Variants in DZIP1 observed in about 807,000 individuals in gnomAD.
The protein encoded by DZIP1 is DAZ interacting zinc finger protein 1, also known as cilium assembly protein DZIP1.
Under a neutral mutation model 107.6 loss-of-function variants are expected in DZIP1, and 97 were observed. That is an observed-to-expected ratio of 0.90 (90% CI 0.77 to 1.07). DZIP1 has a LOEUF of 1.07. DZIP1 is among the 50% of genes least tolerant of loss of function. The probability of loss-of-function intolerance (pLI) is 0.00; values close to 1 mark genes in which losing one functional copy is unlikely to be tolerated. For synonymous variants in DZIP1, 390 were observed against 386.4 expected (o/e 1.01, Z -0.11); for missense variants, 1,035 against 1,063.6 (o/e 0.97, Z 0.37).
chr13:95,595,206 A>G (rs565622870), intron 15 of DZIP1, among the ~76,000 whole-genome samples: 2 of 152,332 alleles, frequency 1.3e-5, no homozygotes, highest in South Asian at 4.1e-4. Flanking sequence ...AGGATTCTTA[A>G]TACCCATACT....
At chr13:95,616,140 T>TC (rs1177348081) in intron 10 of DZIP1, among the ~76,000 whole-genome samples, 1 of 152,088 alleles carries the variant, frequency 6.6e-6, no homozygotes, top group African/African-American at 2.4e-5. Context: ...GAAACTACCA[T>TC]CCACTGCTCC....
chr13:95,622,264 T>TCG, intron 9 of DZIP1, 79 bp downstream of exon 9: 1 of 1,576,714 alleles, frequency 6.3e-7, no homozygotes, highest in Admixed American at 1.7e-5. Flanking sequence ...ACACTTTTTC[T>TCG]GCAGATGACA....
intron 17 of DZIP1, 24 bp downstream of exon 17, chr13:95,590,255 A>G (rs2044276643): frequency 1.3e-6 from 2 of 1,561,156 alleles, no homozygotes; most frequent in Non-Finnish European, 1.7e-6. Flanking sequence ...TTAAGCTCCC[A>G]TTTGCAGTGG....
rs553745889 is a variant in DZIP1, at chr13:95,632,124, T to C, written c.685+1110A>G. Among the ~76,000 whole-genome samples the C allele has an allele frequency of 2.7e-4, 41 of 152,266 alleles. No homozygotes were observed. The South Asian group carries it at 8.1e-3, about 30-fold the overall frequency. ...CTGAGCTCCTAGCATTGGGAAGACC[T>C]TGGGGCTGACCTCATCACTTTCTAT... is the stretch of plus-strand genomic sequence containing the variant. On this transcript the variant is annotated intron_variant, in intron 6 of 22. Transcript: ENST00000376829.
At chr13:95,595,452 T>G (rs759041369) in intron 15 of DZIP1, among the ~76,000 whole-genome samples, 8 of 152,238 alleles carry the variant, frequency 5.3e-5, no homozygotes, top group African/African-American at 1.7e-4. Flanking sequence ...TAAAACTGCA[T>G]ATAATTATAT....
In DZIP1 at chr13:95,641,241, T is replaced by C. The variant is rs940415933; in HGVS notation, c.597+54A>G. The C allele has an allele frequency of 2.6e-5, 39 of 1,521,048 alleles. No homozygotes were observed. The highest frequency in any genetic ancestry group is 3.4e-5 in the Non-Finnish European group (38 of 1,132,024). The allele number at this position is 1,521,048 out of a possible 1,614,324, so 94.2% of individuals were successfully genotyped here. On this transcript the variant is annotated intron_variant, in intron 5 of 22. Transcript: ENST00000376829. The surrounding 1 kb of genome is among the most constrained non-coding windows in gnomAD (Gnocchi z 4.3). ...GGTGATACGGGACAGGCCTATCAAA[T>C]GGGAACTGAGTTGTTTACTGGATTA...
chr13:95,587,430 C>T, intron 20 of DZIP1, 109 bp downstream of exon 20: 1 of 1,449,508 alleles, frequency 6.9e-7, no homozygotes, highest in South Asian at 1.3e-5. Flanking sequence ...TCCGCTGCAT[C>T]TGTTCCTTGC....
intron 14 of DZIP1, 132 bp from the exon 15 acceptor site, chr13:95,599,556 G>A: frequency 1.3e-6 from 1 of 754,394 alleles, no homozygotes. Context: ...AATTTACTGA[G>A]GAAAAAACGT....
At chr13:95,618,200 G>A (rs1875384168) in intron 10 of DZIP1, among the ~76,000 whole-genome samples, 1 of 152,158 alleles carries the variant, frequency 6.6e-6, no homozygotes, top group African/African-American at 2.4e-5. Flanking sequence ...TCCCATAGCT[G>A]TAGCCTCACT....
rs1256883076 is a variant in DZIP1 at position 95,641,233 on chromosome 13, CT to C, written c.597+61del. The C allele has an allele frequency of 1.3e-6, 2 of 1,517,700 alleles. No individual in the cohort carries two copies. Among genetic ancestry groups the C allele is most frequent in the African/African-American group, 2.8e-5 (2 of 71,930 alleles). The allele number at this position is 1,517,700 out of a possible 1,614,324, so 94.0% of individuals were successfully genotyped here. On this transcript the variant is annotated intron_variant, in intron 5 of 22. Transcript: ENST00000376829. The surrounding 1 kb of genome is among the most constrained non-coding windows in gnomAD (Gnocchi z 4.3). ...GAAAGAGTGGTGATACGGGACAGGC[CT>C]ATCAAATGGGAACTGAGTTGTTTAC...
intron 8 of DZIP1, among the ~76,000 whole-genome samples, chr13:95,623,627 T>C (rs1876171454): frequency 6.6e-6 from 1 of 152,210 alleles, no homozygotes; most frequent in Admixed American, 6.5e-5. Context: ...AATAGTCTTC[T>C]TTTTTTCCAA....
chr13:95,611,421 A>G (rs1215974700), intron 12 of DZIP1, 24 bp downstream of exon 12: 1 of 1,609,108 alleles, frequency 6.2e-7, no homozygotes, highest in Non-Finnish European at 8.5e-7. Context: ...CCTTGCCGCC[A>G]GTACCGGGAT....
At position 95,590,030 on chromosome 13, in the gene DZIP1, A is replaced by G. The variant is rs7337773; in HGVS notation, c.1844-98T>C. ...TAATACCCCCTATGCTGCTGTGGCA[A>G]TGAACAATCCCATCTCTAGGGTTTA... On this transcript the variant is annotated intron_variant, in intron 17 of 22. Transcript: ENST00000376829. 2,411 of 1,429,234 alleles carry G rather than the reference A, an allele frequency of 1.7e-3. 30 individuals carry two copies. In the African/African-American group the frequency reaches 0.029, roughly 17 times the overall value. 88.5% of individuals were successfully genotyped at this position (1,429,234 alleles called of 1,614,324 possible). A position where few individuals can be genotyped will look rare whatever the true frequency, so the allele number is the denominator to read the frequency against.
intron 5 of DZIP1, among the ~76,000 whole-genome samples, chr13:95,639,516 G>A (rs1180134740): frequency 2.0e-5 from 3 of 151,442 alleles, no homozygotes; most frequent in South Asian, 2.1e-4. Flanking sequence ...GCTTGAACGC[G>A]GGAGAAGGAG....
At chr13:95,586,541 A>C (rs2044164980) in intron 20 of DZIP1, among the ~76,000 whole-genome samples, 1 of 152,092 alleles carries the variant, frequency 6.6e-6, no homozygotes, top group Non-Finnish European at 1.5e-5. Context: ...ATCTCATTCA[A>C]GTGTGTGGTC....
At chr13:95,617,048 G>C (rs1431361016) in intron 10 of DZIP1, among the ~76,000 whole-genome samples, 1 of 151,776 alleles carries the variant, frequency 6.6e-6, no homozygotes, top group African/African-American at 2.4e-5. Context: ...TCTCTACTAA[G>C]AATACAAAAA....
chr13:95,607,963 T>C (rs1333078419), intron 13 of DZIP1, among the ~76,000 whole-genome samples: 1 of 152,224 alleles, frequency 6.6e-6, no homozygotes, highest in African/African-American at 2.4e-5. Context: ...TTATTGCATA[T>C]CTCCTAAGCT....
At chr13:95,616,650 T>C (rs1165177439) in intron 10 of DZIP1, among the ~76,000 whole-genome samples, 3 of 152,152 alleles carry the variant, frequency 2.0e-5, no homozygotes, top group Non-Finnish European at 4.4e-5. Flanking sequence ...TAGAGTGACA[T>C]CAGGTGACCA....
intron 9 of DZIP1, among the ~76,000 whole-genome samples, chr13:95,620,388 T>C (rs1306537505): frequency 6.6e-6 from 1 of 152,204 alleles, no homozygotes; most frequent in African/African-American, 2.4e-5. Flanking sequence ...AATTACCCAG[T>C]CTTAGGTAAT....
Sources: allele counts gnomAD v4.1 joint callset (sites outside exome capture counted in the v4.1 genomes callset), GRCh38; gene constraint gnomAD v4.1.1; non-coding constraint Gnocchi (gnomAD v3.1); transcripts MANE v1.5; gene names NCBI Gene and HGNC (gene_info 2026-07-23, HGNC 2026-07-21).